Variants in SCAPER observed in about 807,000 individuals in gnomAD.
SCAPER encodes the protein S-phase cyclin A associated protein in the ER.
Under a neutral mutation model 182.2 loss-of-function variants are expected in SCAPER, and 98 were observed. The observed-to-expected ratio is 0.54, with a 90% confidence interval of 0.46 to 0.64. The LOEUF (loss-of-function observed/expected upper bound fraction) is 0.64, where lower values mean the gene tolerates loss of function less well. Ranked by LOEUF, SCAPER falls within the 30% of genes least tolerant of loss-of-function variation. SCAPER has a pLI of 0.00. For missense variants in SCAPER, 1,432 were observed against 1,690.0 expected (o/e 0.85, Z 2.68); for synonymous variants, 605 against 564.6 (o/e 1.07, Z -1.01).
At chr15:76,750,898 A>G (rs890141531) in intron 15 of SCAPER, among the ~76,000 whole-genome samples, 1 of 151,864 alleles carries the variant, frequency 6.6e-6, no homozygotes, top group Admixed American at 6.6e-5. Context: ...CAGAAAAATT[A>G]GGAAAGTAAA....
intron 17 of SCAPER, among the ~76,000 whole-genome samples, chr15:76,727,264 C>G (rs1421294404): frequency 6.6e-6 from 1 of 151,938 alleles, no homozygotes; most frequent in Admixed American, 6.6e-5. Context: ...TAGAACTGAG[C>G]AAGCTGATTC....
Position 76,601,037 on chromosome 15 carries a change from A to G in SCAPER, c.2711+20727T>C, listed in dbSNP as rs1350215150. ...ACTAGCAACAAAAACCGAAGAAAAA[A>G]TGTATTGAGAATTAAAGAAAATGTT... is the stretch of plus-strand genomic sequence containing the variant. On this transcript the variant is annotated intron_variant, in intron 22 of 31. Coordinates refer to ENST00000563290, the MANE Select transcript of SCAPER (RefSeq NM_020843.4). 4.9e-5 allele frequency among the ~76,000 whole-genome samples: 6 copies of G among 122,388 alleles called. 1 individual carries two copies. The highest frequency in any genetic ancestry group is 1.5e-4 in the African/African-American group (6 of 39,946). 80.3% of individuals were successfully genotyped at this position (122,388 alleles called of 152,430 possible). A position where few individuals can be genotyped will look rare whatever the true frequency, so the allele number is the denominator to read the frequency against.
chr15:76,466,138 CTATT>C (rs1323857979), intron 25 of SCAPER, among the ~76,000 whole-genome samples: 1 of 152,030 alleles, frequency 6.6e-6, no homozygotes, highest in Non-Finnish European at 1.5e-5. Flanking sequence ...TTTTGGGTCA[CTATT>C]TAAGTAAACT....
At chr15:76,616,135 C>T (rs2051461844) in intron 22 of SCAPER, among the ~76,000 whole-genome samples, 1 of 152,010 alleles carries the variant, frequency 6.6e-6, no homozygotes, top group South Asian at 2.1e-4. Flanking sequence ...TGGATATATA[C>T]AGAAAATAAT....
intron 1 of SCAPER, among the ~76,000 whole-genome samples, chr15:76,892,164 A>G (rs2152602926): frequency 6.6e-6 from 1 of 152,348 alleles, no homozygotes; most frequent in African/African-American, 2.4e-5. Context: ...ACTTTATACA[A>G]AAATTAATTC....
intron 26 of SCAPER, among the ~76,000 whole-genome samples, chr15:76,419,438 C>T (rs910705962): frequency 1.3e-5 from 2 of 151,972 alleles, no homozygotes; most frequent in East Asian, 1.9e-4. Context: ...TACTAATTCT[C>T]GGCCGGGCAC....
intron 23 of SCAPER, among the ~76,000 whole-genome samples, chr15:76,556,977 G>A (rs1461712507): frequency 2.0e-5 from 3 of 152,082 alleles, no homozygotes; most frequent in Non-Finnish European, 4.4e-5. Flanking sequence ...CATCCCACAT[G>A]AAAGCCAAAT....
chr15:76,683,753 TG>T (rs991758493), intron 20 of SCAPER, among the ~76,000 whole-genome samples: 6 of 148,962 alleles, frequency 4.0e-5, no homozygotes, highest in Non-Finnish European at 7.4e-5. Context: ...CTGTAGGGGG[TG>T]GGGGGGTCTA....
intron 31 of SCAPER, chr15:76,349,565 C>G (rs1383025691): frequency 6.6e-6 from 1 of 151,910 alleles, no homozygotes; most frequent in Non-Finnish European, 1.5e-5. Flanking sequence ...GGACAATGAA[C>G]TCAAAATATC....
At chr15:76,383,516 C>G (rs745829867) in intron 27 of SCAPER, among the ~76,000 whole-genome samples, 25 of 152,222 alleles carry the variant, frequency 1.6e-4, no homozygotes, top group Non-Finnish European at 2.9e-4. Context: ...GAAAGAAGCT[C>G]TCTTATGAAA....
rs570388114 is a variant in SCAPER at position 76,356,068 on chromosome 15, ATGGCT to A, written c.3856-1933_3856-1929del. On this transcript the variant is annotated intron_variant, in intron 29 of 31. Transcript: ENST00000563290. ...TGAGAACCCCCAACCCTACCACCCC[ATGGCT>A]TGGTTATGAGCCAGAATGGGACATC... is the stretch of plus-strand genomic sequence containing the variant. Among the ~76,000 whole-genome samples, 6 of 152,228 alleles carry A rather than the reference ATGGCT, an allele frequency of 3.9e-5. No homozygotes were observed. The South Asian group carries it at 1.2e-3, about 32-fold the overall frequency.
intron 23 of SCAPER, among the ~76,000 whole-genome samples, chr15:76,513,732 T>C (rs2042219717): frequency 6.6e-6 from 1 of 152,182 alleles, no homozygotes; most frequent in Non-Finnish European, 1.5e-5. Flanking sequence ...CATTTCATAC[T>C]TGTCCCTATC....
intron 20 of SCAPER, among the ~76,000 whole-genome samples, chr15:76,674,510 A>G (rs537913187): frequency 2.6e-5 from 4 of 152,334 alleles, no homozygotes; most frequent in South Asian, 4.1e-4. Context: ...CTGAGTACTC[A>G]TCAATGGAAA....
intron 22 of SCAPER, among the ~76,000 whole-genome samples, chr15:76,584,318 T>C (rs1342941885): frequency 6.6e-6 from 1 of 152,114 alleles, no homozygotes; most frequent in Non-Finnish European, 1.5e-5. Context: ...AAACATATAG[T>C]TAGATAGAAT....
chr15:76,766,723 T>G (rs1466136894), intron 11 of SCAPER, among the ~76,000 whole-genome samples, 195 bp downstream of exon 11: 3 of 152,198 alleles, frequency 2.0e-5, no homozygotes, highest in African/African-American at 7.2e-5. Context: ...AATGGTAAAG[T>G]GCTAACAAAA....
intron 24 of SCAPER, among the ~76,000 whole-genome samples, chr15:76,472,990 C>T (rs2050311995): frequency 6.6e-6 from 1 of 152,162 alleles, no homozygotes; most frequent in African/African-American, 2.4e-5. Flanking sequence ...GTGTGTCAGG[C>T]AATCAGACTT....
intron 8 of SCAPER, among the ~76,000 whole-genome samples, chr15:76,779,020 T>C (rs906503304): frequency 6.6e-6 from 1 of 152,008 alleles, no homozygotes; most frequent in Non-Finnish European, 1.5e-5. Flanking sequence ...AAAAGTATCA[T>C]TCCATAATGA....
intron 5 of SCAPER, among the ~76,000 whole-genome samples, chr15:76,825,341 C>T (rs947713741): frequency 6.6e-6 from 1 of 152,134 alleles, no homozygotes; most frequent in Admixed American, 6.5e-5. Context: ...CCTTTAACAG[C>T]CAGCACAAAT....
chr15:76,461,118 A>T (rs538313051), intron 25 of SCAPER, among the ~76,000 whole-genome samples: 1 of 152,032 alleles, frequency 6.6e-6, no homozygotes, highest in South Asian at 2.1e-4. Flanking sequence ...ATGCCCCTTA[A>T]TTTTTGGTCT....
Sources: allele counts gnomAD v4.1 joint callset (sites outside exome capture counted in the v4.1 genomes callset), GRCh38; gene constraint gnomAD v4.1.1; transcripts MANE v1.5; gene names NCBI Gene and HGNC (gene_info 2026-07-23, HGNC 2026-07-21).